Variants in STK33 observed in about 807,000 individuals in gnomAD.
STK33 encodes serine/threonine kinase 33, also known as serine/threonine-protein kinase 33.
A neutral mutation model predicts 58.0 loss-of-function variants in STK33; 52 were observed. The ratio of observed to expected loss-of-function variants is 0.90; its 90% CI spans 0.72 to 1.13. The LOEUF is 1.13. Ranked by LOEUF, STK33 falls within the 50% of genes most tolerant of loss-of-function variation. The pLI, the probability that STK33 is intolerant of heterozygous loss-of-function variation, is 0.00. For synonymous variants in STK33, 215 were observed against 200.1 expected (o/e 1.07, Z -0.63); for missense variants, 630 against 604.2 (o/e 1.04, Z -0.45).
intron 1 of STK33, among the ~76,000 whole-genome samples, chr11:8,570,681 AG>A: frequency 6.6e-6 from 1 of 152,218 alleles, no homozygotes; most frequent in Non-Finnish European, 1.5e-5. Context: ...AAGCATTCAG[AG>A]GTTACCTGAG....
intron 1 of STK33, among the ~76,000 whole-genome samples, chr11:8,518,137 G>A (rs1269809266): frequency 6.6e-6 from 1 of 152,166 alleles, no homozygotes; most frequent in South Asian, 2.1e-4. Context: ...ACTAACAGAG[G>A]ATCTCTTGGC....
At chr11:8,435,916 T>A in intron 13 of STK33, 111 bp downstream of exon 13, 1 of 574,232 alleles carries the variant, frequency 1.7e-6, no homozygotes, top group South Asian at 4.7e-5. Flanking sequence ...AGTGTTCATT[T>A]CCACAAGTAA....
At chr11:8,472,434 T>C (rs1220949440) in intron 6 of STK33, among the ~76,000 whole-genome samples, 1 of 152,204 alleles carries the variant, frequency 6.6e-6, no homozygotes, top group African/African-American at 2.4e-5. Context: ...GATTATTAAT[T>C]GGCCTAATTT....
chr11:8,481,322 A>G (rs1949780493), intron 1 of STK33, among the ~76,000 whole-genome samples: 1 of 152,176 alleles, frequency 6.6e-6, no homozygotes, highest in Non-Finnish European at 1.5e-5. Flanking sequence ...AATAATATTA[A>G]TTTAATAAAA....
intron 11 of STK33, among the ~76,000 whole-genome samples, chr11:8,448,877 C>T (rs1364213619): frequency 6.8e-6 from 1 of 147,918 alleles, no homozygotes; most frequent in Non-Finnish European, 1.5e-5. Context: ...TTGTTGCAAT[C>T]TACTCATCTG....
chr11:8,340,644 G>A, the STK33 span, among the ~76,000 whole-genome samples: 1 of 152,110 alleles, frequency 6.6e-6, no homozygotes, highest in African/African-American at 2.4e-5. Flanking sequence ...AGCTTCCAGG[G>A]CTCCAATGTC....
chr11:8,521,922 A>G (rs1387363284), intron 1 of STK33, among the ~76,000 whole-genome samples: 1 of 152,320 alleles, frequency 6.6e-6, no homozygotes, highest in East Asian at 1.9e-4. Flanking sequence ...CAAAACCACA[A>G]TGAGATACCA....
chr11:8,479,140 T>A (rs1278278786), intron 2 of STK33, among the ~76,000 whole-genome samples: 2 of 151,922 alleles, frequency 1.3e-5, no homozygotes, highest in Non-Finnish European at 2.9e-5. Context: ...AGAGGCCGGG[T>A]GCGGTGGCTC....
intron 1 of STK33, among the ~76,000 whole-genome samples, chr11:8,522,982 C>T (rs534244997): frequency 4.7e-4 from 71 of 152,288 alleles, no homozygotes; most frequent in Admixed American, 2.0e-3. Flanking sequence ...TTGGTGGAGA[C>T]GGGGTTTCGC....
the STK33 span, among the ~76,000 whole-genome samples, chr11:8,371,880 T>C: frequency 6.9e-6 from 1 of 144,724 alleles, no homozygotes; most frequent in African/African-American, 2.5e-5. Context: ...CTTCTCTTTA[T>C]TTTTCCTTTA....
At chr11:8,517,147 G>A (rs1591580267) in intron 1 of STK33, among the ~76,000 whole-genome samples, 1 of 152,162 alleles carries the variant, frequency 6.6e-6, no homozygotes, top group Admixed American at 6.5e-5. Flanking sequence ...CAGAGAAAGG[G>A]TCAGGCAGCA....
intron 1 of STK33, among the ~76,000 whole-genome samples, chr11:8,588,551 A>T (rs1042713390): frequency 1.1e-4 from 17 of 152,232 alleles, no homozygotes; most frequent in Non-Finnish European, 2.4e-4. Context: ...AAATCTAAAT[A>T]TAAGAGCTAA....
At chr11:8,490,003 C>T (rs976450944) in intron 1 of STK33, among the ~76,000 whole-genome samples, 4 of 152,136 alleles carry the variant, frequency 2.6e-5, no homozygotes, top group Admixed American at 6.5e-5. Context: ...CTGTGATCAA[C>T]GCAGAAGATG....
At chr11:8,584,775 A>G (rs1286479964) in intron 1 of STK33, among the ~76,000 whole-genome samples, 1 of 152,168 alleles carries the variant, frequency 6.6e-6, no homozygotes, top group African/African-American at 2.4e-5. Context: ...ACAGCCACAG[A>G]GGGAGCTCTC....
At position 8,496,676 on chromosome 11, in the gene STK33, G is replaced by A. The variant is rs542358462; in HGVS notation, c.-465-16062C>T. 2.5e-3 allele frequency among the ~76,000 whole-genome samples: 377 copies of A among 151,284 alleles called. 2 individuals carry two copies. The highest frequency in any genetic ancestry group is 4.1e-3 in the Non-Finnish European group (275 of 67,896). ...TGCAAGCTCCGCCTCCCAGGTTCAC[G>A]CCATTCTCCTGCCTCAGCCTCCCGA... On this transcript the variant is annotated intron_variant, in intron 1 of 15. Coordinates refer to ENST00000687296, the MANE Select transcript of STK33 (RefSeq NM_001352389.2).
chr11:8,416,304 G>A (rs1941117607), intron 14 of STK33, among the ~76,000 whole-genome samples: 1 of 151,990 alleles, frequency 6.6e-6, no homozygotes, highest in Non-Finnish European at 1.5e-5. Flanking sequence ...TAAGTTATAT[G>A]GTAAGAAGAA....
the STK33 span, among the ~76,000 whole-genome samples, chr11:8,336,778 G>T: frequency 6.6e-6 from 1 of 152,238 alleles, no homozygotes; most frequent in African/African-American, 2.4e-5. Context: ...AACCTGAGGT[G>T]GGAGCCAGTC....
chr11:8,370,136 T>C, the STK33 span, among the ~76,000 whole-genome samples: 56 of 152,222 alleles, frequency 3.7e-4, no homozygotes, highest in Middle Eastern at 3.4e-3. Context: ...TTTGGGAGGA[T>C]TGCGGTAGAG....
the STK33 span, among the ~76,000 whole-genome samples, chr11:8,385,017 C>A: frequency 1.3e-5 from 2 of 152,208 alleles, no homozygotes; most frequent in African/African-American, 4.8e-5. Context: ...CAGGCCTGGC[C>A]TTCCCCAGGA....
Sources: gnomAD v4.1 joint callset for allele counts (sites outside exome capture counted in the v4.1 genomes callset) on GRCh38, gnomAD v4.1.1 for gene constraint, MANE v1.5 for transcripts, NCBI Gene and HGNC (gene_info 2026-07-23, HGNC 2026-07-21) for gene names.